CUX1: variants seen among roughly 807,000 people sequenced by gnomAD.
CUX1 encodes cut like homeobox 1.
In CUX1, 31 loss-of-function variants were observed where a neutral mutation model predicts 158.8. That is an observed-to-expected ratio of 0.20 (90% CI 0.15 to 0.26). The LOEUF (loss-of-function observed/expected upper bound fraction) is 0.26. CUX1 is among the 10% of genes least tolerant of loss of function. The probability of loss-of-function intolerance (pLI) is 1.00; values close to 1 mark genes in which losing one functional copy is unlikely to be tolerated. For missense variants in CUX1, 1,589 were observed against 2,014.6 expected, an observed-to-expected ratio of 0.79 and a Z score of 4.04; for synonymous variants, 879 against 862.1, an observed-to-expected ratio of 1.02 and a Z score of -0.34.
At chr7:102,165,937 C>G (rs1790980843) in intron 9 of CUX1, among the ~76,000 whole-genome samples, 1 of 152,184 alleles carries the variant, frequency 6.6e-6, no homozygotes, top group Non-Finnish European at 1.5e-5. Context: ...AGGAAGAATT[C>G]CTGAGACACG....
chr7:101,938,811 C>T (rs764976700), intron 2 of CUX1, among the ~76,000 whole-genome samples: 15 of 151,848 alleles, frequency 9.9e-5, no homozygotes, highest in Non-Finnish European at 2.1e-4. Context: ...GAGGCTGAGG[C>T]GGGCAGATCA....
chr7:102,174,974 A>G (rs1224282312), intron 10 of CUX1, among the ~76,000 whole-genome samples: 1 of 152,104 alleles, frequency 6.6e-6, no homozygotes, highest in East Asian at 1.9e-4. Flanking sequence ...AAAAAAACAG[A>G]TAGAGGGAGG....
intron 1 of CUX1, among the ~76,000 whole-genome samples, chr7:101,863,319 T>C (rs1452603213): frequency 6.6e-6 from 1 of 151,992 alleles, no homozygotes; most frequent in Non-Finnish European, 1.5e-5. Flanking sequence ...CTGGTTCATG[T>C]GTCTTTGTCT....
At chr7:102,092,926 A>AAAAAT in intron 4 of CUX1, among the ~76,000 whole-genome samples, 1 of 109,352 alleles carries the variant, frequency 9.1e-6, no homozygotes, top group East Asian at 1.9e-4. Flanking sequence ...AAAAAAAAAA[A>AAAAAT]AAAAAAGAAA....
At chr7:102,079,082 A>G (rs1311317313) in intron 4 of CUX1, among the ~76,000 whole-genome samples, 1 of 152,148 alleles carries the variant, frequency 6.6e-6, no homozygotes, top group Non-Finnish European at 1.5e-5. Context: ...GTTCTTTTAT[A>G]CTTCTTTCTC....
At chr7:102,072,447 T>G (rs554250878) in intron 4 of CUX1, among the ~76,000 whole-genome samples, 1 of 152,362 alleles carries the variant, frequency 6.6e-6, no homozygotes, top group South Asian at 2.1e-4. Context: ...GTTGTACTTC[T>G]ATGCGAACGA....
chr7:102,039,470 G>A (rs188444171), intron 3 of CUX1, among the ~76,000 whole-genome samples: 131 of 152,156 alleles, frequency 8.6e-4, no homozygotes, highest in African/African-American at 3.1e-3. Context: ...CCTTGGCAAC[G>A]TAGTGAAACT....
rs550853717 is a variant in CUX1, at chr7:102,282,843, C to T, written c.1967+67C>T. On this transcript the variant is annotated intron_variant, in intron 22 of 22. Coordinates refer to the CUX1 transcript ENST00000292538. ...GCTCCCAGCACCCCCGCAACACCCCCGAGTTCCTGCCTCATGTCCCCCACT... is the reference window on the plus strand; with the variant it reads ...GCTCCCAGCACCCCCGCAACACCCCTGAGTTCCTGCCTCATGTCCCCCACT... 670 of 1,256,110 alleles carry T rather than the reference C, an allele frequency of 5.3e-4. 2 individuals are homozygous for T. The highest frequency in any genetic ancestry group is 7.0e-4 in the Non-Finnish European group (626 of 891,240). 77.8% of individuals were successfully genotyped at this position (1,256,110 alleles called of 1,614,324 possible).
At chr7:102,263,314 C>CTT (rs71123026) in intron 14 of CUX1, among the ~76,000 whole-genome samples, 30,290 of 89,422 alleles carry the variant, frequency 0.34, 7,454 homozygotes, top group East Asian at 0.6. Context: ...CACACCTAGC[C>CTT]TTTTTTTTTT....
chr7:102,072,212 G>A (rs912573867), intron 4 of CUX1, among the ~76,000 whole-genome samples: 1 of 152,188 alleles, frequency 6.6e-6, no homozygotes, highest in African/African-American at 2.4e-5. Flanking sequence ...GCCGCTCAAG[G>A]GCCCAGATAC....
chr7:102,282,649 T>C lies in CUX1; in HGVS notation c.1903-63T>C, dbSNP rs1025550466. 1.2e-5 allele frequency: 19 copies of C among 1,567,106 alleles called. No individual in the cohort carries two copies. In the African/African-American group the frequency reaches 2.6e-4, roughly 21 times the overall value. ...TGTTCCAGGCCAGGCCCAGGGGCCA[T>C]GGGTGGGCTGCAGGGGTGGCCTTGA... On this transcript the variant is annotated intron_variant, in intron 21 of 22. Coordinates refer to the CUX1 transcript ENST00000292538.
intron 3 of CUX1, among the ~76,000 whole-genome samples, chr7:102,050,959 C>G (rs1204760562): frequency 2.6e-5 from 4 of 152,124 alleles, no homozygotes; most frequent in Admixed American, 6.6e-5. Context: ...CTGGTCTGGT[C>G]TGTCTACCAC....
At chr7:101,902,661 C>T (rs149278536) in intron 1 of CUX1, among the ~76,000 whole-genome samples, 26 of 152,298 alleles carry the variant, frequency 1.7e-4, no homozygotes, top group East Asian at 5.8e-4. Flanking sequence ...TGCAGCTGTG[C>T]GGAGTTGGGA....
rs10633602 is a variant in CUX1, at chr7:102,117,397, C to CAAAAAAAAAAAA, written c.674+2135_674+2146dup. ...TGGGCTACAGAGCCAGACTCCATCG[C>CAAAAAAAAAAAA]AAAAAAAAAAAAAAAAAAAAAAGGT... On this transcript the variant is annotated intron_variant, in intron 8 of 23. Transcript: ENST00000292535. 1.5e-4 allele frequency among the ~76,000 whole-genome samples: 7 copies of CAAAAAAAAAAAA among 46,672 alleles called. 1 individual carries two copies. Among genetic ancestry groups the CAAAAAAAAAAAA allele is most frequent in the African/African-American group, 5.9e-4 (6 of 10,104 alleles). The allele number at this position is 46,672 out of a possible 152,430, so 30.6% of individuals were successfully genotyped here.
At chr7:102,066,959 C>T (rs371699855) in intron 3 of CUX1, among the ~76,000 whole-genome samples, 175 of 152,312 alleles carry the variant, frequency 1.1e-3, no homozygotes, top group African/African-American at 4.0e-3. Context: ...TACACACACG[C>T]GTTTTAAGCA....
At chr7:102,135,377 G>A (rs1554498446) in intron 8 of CUX1, among the ~76,000 whole-genome samples, 1 of 152,112 alleles carries the variant, frequency 6.6e-6, no homozygotes, top group African/African-American at 2.4e-5. Context: ...CTTCATCCCT[G>A]TTGTCTTCAC....
At chr7:102,062,976 G>T (rs918265102) in intron 3 of CUX1, among the ~76,000 whole-genome samples, 5 of 152,108 alleles carry the variant, frequency 3.3e-5, no homozygotes, top group African/African-American at 9.7e-5. Flanking sequence ...ATGGTGGCAG[G>T]CACCTGTAAT....
At chr7:102,148,704 ATATAT>A (rs1369519312) in intron 8 of CUX1, among the ~76,000 whole-genome samples, 2 of 148,072 alleles carry the variant, frequency 1.4e-5, no homozygotes, top group African/African-American at 4.9e-5. Flanking sequence ...TATATATATA[ATATAT>A]TAATATATAT....
intron 8 of CUX1, among the ~76,000 whole-genome samples, chr7:102,131,006 G>T (rs1336675381): frequency 2.0e-5 from 3 of 151,616 alleles, no homozygotes; most frequent in Non-Finnish European, 2.9e-5. Flanking sequence ...AAAATTAGCC[G>T]GGCGTGGTGG....
Sources: allele counts gnomAD v4.1 joint callset (sites outside exome capture counted in the v4.1 genomes callset), GRCh38; gene constraint gnomAD v4.1.1; transcripts MANE v1.5; gene names NCBI Gene and HGNC (gene_info 2026-07-23, HGNC 2026-07-21).